POLA1: variants seen among roughly 807,000 people sequenced by gnomAD.
POLA1 encodes DNA polymerase alpha catalytic subunit.
Under a neutral mutation model 124.0 loss-of-function variants are expected in POLA1, and 15 were observed. The observed-to-expected ratio is 0.12, with a 90% confidence interval of 0.08 to 0.19. POLA1 has a LOEUF of 0.19. Ranked by LOEUF, POLA1 falls within the 10% of genes least tolerant of loss-of-function variation. The pLI is 1.00. For synonymous variants in POLA1, 408 were observed against 389.4 expected (o/e 1.05, Z -0.56); for missense variants, 886 against 1,103.4 (o/e 0.80, Z 2.79).
intron 32 of POLA1, among the ~76,000 whole-genome samples, chrX:24,826,915 T>C (rs1907929623): frequency 8.9e-6 from 1 of 112,084 alleles, no homozygotes; most frequent in Non-Finnish European, 1.9e-5. Context: ...TACATTGTTA[T>C]AGCTTTAATT....
At chrX:24,954,278 A>G (rs1279579813) in intron 36 of POLA1, among the ~76,000 whole-genome samples, 1 of 112,251 alleles carries the variant, frequency 8.9e-6, no homozygotes, top group Non-Finnish European at 1.9e-5. Context: ...ATTTGTTTTT[A>G]ATTAGTATTT....
In POLA1 at chrX:24,759,243, T is replaced by G. The variant is rs1478214330; in HGVS notation, c.2964+10251T>G. On this transcript the variant is annotated intron_variant, in intron 26 of 36. Transcript: ENST00000379068. ...TTTTTCCACCCATATATTGGATTTCTTATTACTAGATTTTTCACATGGGTC... is the reference window on the plus strand; with the variant it reads ...TTTTTCCACCCATATATTGGATTTCGTATTACTAGATTTTTCACATGGGTC... Among the ~76,000 whole-genome samples the G allele has an allele frequency of 3.6e-5, 4 of 112,418 alleles. No homozygotes were observed. The East Asian group carries it at 1.1e-3, about 31-fold the overall frequency.
chrX:24,790,590 C>T (rs186930695), intron 26 of POLA1, among the ~76,000 whole-genome samples: 1 of 111,138 alleles, frequency 9.0e-6, no homozygotes, highest in African/African-American at 3.3e-5. Flanking sequence ...TAGATGTCGT[C>T]AGTTTGGCTT....
At chrX:24,835,012 A>G (rs2046322015) in intron 32 of POLA1, among the ~76,000 whole-genome samples, 1 of 106,075 alleles carries the variant, frequency 9.4e-6, no homozygotes, top group Non-Finnish European at 1.9e-5. Flanking sequence ...TATCCTATAT[A>G]TTTATTTTGT....
At chrX:24,803,160 T>C (rs1170203187) in intron 26 of POLA1, among the ~76,000 whole-genome samples, 2 of 111,617 alleles carry the variant, frequency 1.8e-5, no homozygotes, top group African/African-American at 3.3e-5. Flanking sequence ...AACAGTTGAA[T>C]GTGTGCCTGG....
chrX:24,924,028 A>G (rs1404634579), intron 35 of POLA1, among the ~76,000 whole-genome samples: 3 of 112,207 alleles, frequency 2.7e-5, no homozygotes, highest in African/African-American at 9.7e-5. Context: ...CTGTAGAAAT[A>G]GCAGTTTTTA....
At chrX:24,843,038 T>A (rs967815163) in intron 33 of POLA1, among the ~76,000 whole-genome samples, 4 of 112,053 alleles carry the variant, frequency 3.6e-5, no homozygotes, top group Admixed American at 9.5e-5. Context: ...ATTTTAGATT[T>A]GCTAAGCAGA....
intron 26 of POLA1, among the ~76,000 whole-genome samples, chrX:24,808,156 A>G (rs948907924): frequency 2.7e-5 from 3 of 111,699 alleles, no homozygotes; most frequent in African/African-American, 9.8e-5. Flanking sequence ...TGACAACCTC[A>G]TTGCTATGGA....
At chrX:24,971,931 G>GATTTTATTTTATTTT (rs61464840) in intron 36 of POLA1, among the ~76,000 whole-genome samples, 2,711 of 86,874 alleles carry the variant, frequency 0.031, 122 homozygotes, top group African/African-American at 0.072. Context: ...GGATGTGGAA[G>GATTTTATTTTATTTT]ATTTTATTTT....
Position 24,996,520 on chromosome X carries a change from AGGCTTG to A in POLA1, c.*571_*576del, listed in dbSNP as rs2048609731. 1 of 113,074 alleles carries A rather than the reference AGGCTTG, an allele frequency of 8.8e-6. No individual in the cohort carries two copies. The highest frequency in any genetic ancestry group is 3.7e-4 in the South Asian group (1 of 2,736). 9.3% of individuals were successfully genotyped at this position (113,074 alleles called of 1,213,427 possible). On this transcript the variant is annotated 3_prime_UTR_variant, in exon 37 of 37. Coordinates refer to ENST00000379068, the MANE Select transcript of POLA1 (RefSeq NM_001330360.2). ...ACTCACTAAATAGATTAAACAGAGC[AGGCTTG>A]TTTGTTGAATTGCTCCAAAGTCCAA...
chrX:24,713,411 G>A (rs953778406), intron 4 of POLA1, among the ~76,000 whole-genome samples: 3 of 110,799 alleles, frequency 2.7e-5, no homozygotes, highest in East Asian at 2.9e-4. Flanking sequence ...TATGGCAAAA[G>A]TTTTGTTTGT....
chrX:24,762,904 AT>A (rs1215588373), intron 26 of POLA1, among the ~76,000 whole-genome samples: 32 of 110,012 alleles, frequency 2.9e-4, no homozygotes, highest in African/African-American at 1.0e-3. Context: ...CTCTTGGCTA[AT>A]TTTTGTATTT....
rs187137923 is a variant in POLA1, at chrX:24,725,722, G to T, written c.1318-259G>T. Among the ~76,000 whole-genome samples the T allele has an allele frequency of 1.3e-3, 149 of 111,918 alleles. 1 individual carries two copies. In the Admixed American group the frequency reaches 0.014, roughly 10 times the overall value. On this transcript the variant is annotated intron_variant, in intron 12 of 36. Transcript: ENST00000379068. The stretch of plus-strand genomic sequence containing the variant: ...GCAAATCATTTAATGCATTAACATT[G>T]TAAAAAATTTTAAATTTTTATTGCC...
rs1179406992 is a variant in POLA1 at position 24,821,601 on chromosome X, G to GT, written c.3561+19dup. 13 of 1,160,382 alleles carry GT rather than the reference G, an allele frequency of 1.1e-5. No homozygotes were observed. The Admixed American group carries it at 2.5e-4, about 22-fold the overall frequency. On this transcript the variant is annotated intron_variant, in intron 31 of 36. Transcript: ENST00000379068. ...TCTGTCAGGTAAACTATTGACATTC[G>GT]TAAGACTCTGACACCTCTTAAGAAC...
intron 32 of POLA1, among the ~76,000 whole-genome samples, chrX:24,829,679 G>T (rs2046231769): frequency 8.9e-6 from 1 of 111,840 alleles, no homozygotes; most frequent in Non-Finnish European, 1.9e-5. Context: ...AAAAATTAGG[G>T]TGGCTATTCA....
At chrX:24,864,549 C>G (rs1474959442) in intron 34 of POLA1, among the ~76,000 whole-genome samples, 2 of 111,741 alleles carry the variant, frequency 1.8e-5, no homozygotes, top group Admixed American at 9.5e-5. Context: ...CAGACTCTAT[C>G]ATCCAGCAAC....
intron 32 of POLA1, among the ~76,000 whole-genome samples, chrX:24,839,750 A>T (rs2046386554): frequency 8.9e-6 from 1 of 112,206 alleles, no homozygotes; most frequent in Admixed American, 9.4e-5. Flanking sequence ...TTATCTTTTG[A>T]TTAGTGTTGG....
chrX:24,732,340 T>A, intron 15 of POLA1, 30 bp from the exon 16 acceptor site: 1 of 932,032 alleles, frequency 1.1e-6, no homozygotes, highest in Non-Finnish European at 1.6e-6. Context: ...AGCGGTCTGG[T>A]AAGTGGGTTT....
chrX:24,776,709 G>C (rs2045146368), intron 26 of POLA1, among the ~76,000 whole-genome samples: 1 of 111,861 alleles, frequency 8.9e-6, no homozygotes, highest in Non-Finnish European at 1.9e-5. Flanking sequence ...ATTTTCTCAA[G>C]TGCTTATGAC....
Sources: allele counts gnomAD v4.1 joint callset (sites outside exome capture counted in the v4.1 genomes callset), GRCh38; gene constraint gnomAD v4.1.1; transcripts MANE v1.5; gene names NCBI Gene and HGNC (gene_info 2026-07-23, HGNC 2026-07-21).